Variants in GLG1 observed in about 807,000 individuals in gnomAD.
The protein encoded by GLG1 is golgi glycoprotein 1.
GLG1 carries 38 observed loss-of-function variants against 160.5 expected under a neutral mutation model. That is an observed-to-expected ratio of 0.24 (90% CI 0.18 to 0.31). The LOEUF (loss-of-function observed/expected upper bound fraction) is 0.31, where lower values mean the gene tolerates loss of function less well. GLG1 is among the 10% of genes least tolerant of loss of function. GLG1 has a pLI of 1.00. For synonymous variants in GLG1, 644 were observed against 543.4 expected (o/e 1.19, Z -2.57); for missense variants, 1,373 against 1,505.2 (o/e 0.91, Z 1.45).
At chr16:74,455,305 A>C (rs141072904) in intron 25 of GLG1, among the ~76,000 whole-genome samples, 1 of 152,146 alleles carries the variant, frequency 6.6e-6, no homozygotes. Flanking sequence ...TTCTATGCTC[A>C]TATCACGTAC....
intron 3 of GLG1, among the ~76,000 whole-genome samples, chr16:74,505,947 T>G (rs2016584357): frequency 6.7e-6 from 1 of 150,110 alleles, no homozygotes; most frequent in Non-Finnish European, 1.5e-5. Context: ...GGAGAATTGC[T>G]TGAACCCAGG....
chr16:74,503,295 C>T (rs903641124), intron 4 of GLG1, among the ~76,000 whole-genome samples: 3 of 152,102 alleles, frequency 2.0e-5, no homozygotes, highest in Non-Finnish European at 4.4e-5. Context: ...GTGAAGATAA[C>T]ACCACTCTTT....
intron 1 of GLG1, among the ~76,000 whole-genome samples, chr16:74,540,800 C>A (rs1391653773): frequency 1.3e-5 from 2 of 152,026 alleles, no homozygotes; most frequent in Non-Finnish European, 2.9e-5. Flanking sequence ...AGGGGAAGAA[C>A]CTTGGACAGG....
intron 18 of GLG1, among the ~76,000 whole-genome samples, chr16:74,467,201 T>C (rs2015031320): frequency 6.6e-6 from 1 of 152,368 alleles, no homozygotes; most frequent in East Asian, 1.9e-4. Context: ...ATGAAGTAAT[T>C]ATCTCAAAGG....
chr16:74,606,784 G>A lies in GLG1; in HGVS notation c.311C>T (p.Ala104Val), dbSNP rs771008915. Residue 104 changes from alanine to valine, a missense_variant, in exon 1 of 26, where the codon GCG (alanine) becomes GTG (valine). Physicochemically the swap from Ala to Val is moderately conservative, Grantham distance 64. This residue lies in a region of GLG1 where 322 missense variants were observed against 254.6 expected (regional missense o/e 1.26). Coordinates refer to ENST00000422840, the MANE Select transcript of GLG1 (RefSeq NM_001145667.2). The stretch of plus-strand genomic sequence containing the variant: ...CAGCTTCCAGCCCCCACCAGCCCCC[G>A]CTCCTCCCCGCCGGGCCGGAGGCCC... ...AGGPPARRGG[A>V]GAGGGWKLAE... The A allele has an allele frequency of 1.2e-6, 2 of 1,604,360 alleles. No individual in the cohort carries two copies. The highest frequency in any genetic ancestry group is 1.7e-6 in the Non-Finnish European group (2 of 1,175,558).
chr16:74,570,254 A>G (rs2018788994), intron 1 of GLG1, among the ~76,000 whole-genome samples: 1 of 152,190 alleles, frequency 6.6e-6, no homozygotes, highest in African/African-American at 2.4e-5. Context: ...CAGCTGTCTA[A>G]TAAACTTTGG....
chr16:74,601,455 A>T (rs1237385635), intron 1 of GLG1, among the ~76,000 whole-genome samples: 4 of 152,028 alleles, frequency 2.6e-5, no homozygotes, highest in Non-Finnish European at 5.9e-5. Context: ...CCAACTACTC[A>T]TTTAACACAT....
rs780455574 is a variant in GLG1 at position 74,496,651 on chromosome 16, T to C, written c.775-7A>G. On this transcript the variant is annotated splice_polypyrimidine_tract_variant and splice_region_variant and intron_variant, in intron 4 of 25. Coordinates refer to ENST00000422840, the MANE Select transcript of GLG1 (RefSeq NM_001145667.2). ...CACCTTGTGAATGTGCATCCTAAAA[T>C]AGCGAGGATATTAATATTTTAAAAC... is the stretch of plus-strand genomic sequence containing the variant. The C allele has an allele frequency of 6.3e-7, 1 of 1,588,152 alleles. No homozygotes were observed. The highest frequency in any genetic ancestry group is 8.6e-7 in the Non-Finnish European group (1 of 1,157,218).
intron 1 of GLG1, among the ~76,000 whole-genome samples, chr16:74,544,119 G>T (rs8051990): frequency 6.6e-6 from 1 of 151,900 alleles, no homozygotes; most frequent in South Asian, 2.1e-4. Flanking sequence ...AAATGTATTA[G>T]CTCCCTAATA....
At position 74,480,375 on chromosome 16, in the gene GLG1, G is replaced by A; in HGVS notation, c.1693C>T (p.Arg565Cys). The A allele has an allele frequency of 1.9e-6, 3 of 1,612,990 alleles. No individual in the cohort carries two copies. The highest frequency in any genetic ancestry group is 2.5e-6 in the Non-Finnish European group (3 of 1,179,146). The change falls in exon 11 of 26, where the codon CGC becomes TGC. Residue 565 changes from arginine (R) to cysteine (C), a missense_variant. Transcript: ENST00000422840. Reference protein sequence around the residue: ...RDWKLDPVLYRKCQGDASRLC... With the variant: ...RDWKLDPVLYCKCQGDASRLC... Reference sequence around the variant, plus strand: ...CGAGAAGCGTCTCCCTGGCACTTGCGGTACAGGACAGGGTCCAGCCTATAA... The same window carrying A: ...CGAGAAGCGTCTCCCTGGCACTTGCAGTACAGGACAGGGTCCAGCCTATAA...
At chr16:74,563,972 G>A (rs967430280) in intron 1 of GLG1, among the ~76,000 whole-genome samples, 6 of 152,098 alleles carry the variant, frequency 3.9e-5, no homozygotes, top group African/African-American at 1.2e-4. Context: ...CACCCAGGCC[G>A]GACTGCAGTG....
chr16:74,559,196 A>G (rs1340147632), intron 1 of GLG1, among the ~76,000 whole-genome samples: 2 of 152,038 alleles, frequency 1.3e-5, no homozygotes, highest in Non-Finnish European at 2.9e-5. Flanking sequence ...GAGGTATCTG[A>G]GTACATTTCC....
At chr16:74,598,671 T>C (rs914066201) in intron 1 of GLG1, among the ~76,000 whole-genome samples, 7 of 151,846 alleles carry the variant, frequency 4.6e-5, no homozygotes, top group African/African-American at 1.7e-4. Flanking sequence ...GGTGGGTGGA[T>C]TGCCTGAGGT....
At chr16:74,485,320 T>C (rs921989771) in intron 9 of GLG1, among the ~76,000 whole-genome samples, 4 of 152,262 alleles carry the variant, frequency 2.6e-5, no homozygotes, top group Admixed American at 2.6e-4. Context: ...GTATTCATTT[T>C]GTCCATTACT....
At chr16:74,477,633 T>C (rs370665742) in intron 11 of GLG1, 100 bp from the exon 12 acceptor site, 2 of 826,826 alleles carry the variant, frequency 2.4e-6, no homozygotes, top group South Asian at 1.7e-5. Context: ...AATAACCCTG[T>C]ATTTTATCTC....
chr16:74,459,649 AT>A, intron 23 of GLG1, 32 bp downstream of exon 23: 1 of 1,086,846 alleles, frequency 9.2e-7, no homozygotes, highest in Non-Finnish European at 1.4e-6. Flanking sequence ...AAAAAAAGAA[AT>A]GAAGTGAGGA....
At chr16:74,570,956 C>CT (rs559534383) in intron 1 of GLG1, among the ~76,000 whole-genome samples, 66 of 144,482 alleles carry the variant, frequency 4.6e-4, no homozygotes, top group South Asian at 1.1e-3. Flanking sequence ...TTTTTTTGGT[C>CT]TTTTTTTTTT....
At chr16:74,462,979 G>T in intron 20 of GLG1, 1 of 416,800 alleles carries the variant, frequency 2.4e-6, no homozygotes, top group Non-Finnish European at 4.3e-6. Flanking sequence ...CCAACTCACT[G>T]TGACCATTAA....
chr16:74,465,575 C>T, intron 19 of GLG1, 101 bp downstream of exon 19: 1 of 1,220,478 alleles, frequency 8.2e-7, no homozygotes, highest in Non-Finnish European at 1.2e-6. Flanking sequence ...CGTCTAGGGA[C>T]CACACTTTGA....
Sources: gnomAD v4.1 joint callset for allele counts (sites outside exome capture counted in the v4.1 genomes callset) on GRCh38, gnomAD v4.1.1 for gene constraint, gnomAD v4.1.1 regional missense constraint, MANE v1.5 for transcripts, NCBI Gene and HGNC (gene_info 2026-07-23, HGNC 2026-07-21) for gene names.